The following AR variants were observed in gnomAD, a reference collection of about 807,000 sequenced individuals.
AR encodes the protein dihydrotestosterone receptor.
Under a neutral mutation model 53.9 loss-of-function variants are expected in AR, and 8 were observed. The ratio of observed to expected loss-of-function variants is 0.15; its 90% CI spans 0.09 to 0.27. The LOEUF is 0.27. Among genes scored for constraint, AR ranks in the 10% least tolerant of loss-of-function variants. The probability of loss-of-function intolerance (pLI) is 1.00; values close to 1 mark genes in which losing one functional copy is unlikely to be tolerated. For missense variants in AR, 639 were observed against 742.5 expected (o/e 0.86, Z 1.62); for synonymous variants, 359 against 316.4 (o/e 1.13, Z -1.43).
chrX:67,664,223 GCT>G (rs1439313972), intron 2 of AR, among the ~76,000 whole-genome samples: 1 of 111,584 alleles, frequency 9.0e-6, no homozygotes, highest in Non-Finnish European at 1.9e-5. Flanking sequence ...CGGTTTTTCT[GCT>G]CTGTTTTTTC....
intron 3 of AR, among the ~76,000 whole-genome samples, chrX:67,699,085 T>A (rs754037813): frequency 1.8e-5 from 2 of 112,428 alleles, no homozygotes; most frequent in Non-Finnish European, 3.7e-5. Context: ...TCTTTTGCCC[T>A]ACACCACAGT....
At chrX:67,557,224 G>T (rs12396249) in intron 1 of AR, among the ~76,000 whole-genome samples, 1 of 110,500 alleles carries the variant, frequency 9.0e-6, no homozygotes, top group Admixed American at 9.6e-5. Context: ...TGGTATTGGT[G>T]GAGAAGGTAG....
intron 1 of AR, among the ~76,000 whole-genome samples, chrX:67,570,550 A>G (rs955313945): frequency 5.4e-5 from 6 of 111,591 alleles, no homozygotes; most frequent in African/African-American, 1.6e-4. Context: ...ATCTTTTCAT[A>G]TTAATTTCAT....
At chrX:67,580,016 G>A (rs1922220908) in intron 1 of AR, among the ~76,000 whole-genome samples, 1 of 110,418 alleles carries the variant, frequency 9.1e-6, no homozygotes, top group Non-Finnish European at 1.9e-5. Context: ...ATCGCTAGTG[G>A]TGTGGCCATT....
At chrX:67,579,270 C>T (rs981254903) in intron 1 of AR, among the ~76,000 whole-genome samples, 2 of 111,518 alleles carry the variant, frequency 1.8e-5, no homozygotes, top group African/African-American at 6.5e-5. Flanking sequence ...ATAACATTGT[C>T]GTTGAATATC....
At chrX:67,558,520 C>T (rs888410072) in intron 1 of AR, among the ~76,000 whole-genome samples, 3 of 111,653 alleles carry the variant, frequency 2.7e-5, no homozygotes, top group East Asian at 2.8e-4. Context: ...TGACTGGTGA[C>T]GTAGGTGACT....
chrX:67,674,178 T>TC (rs2075884731), intron 2 of AR, among the ~76,000 whole-genome samples: 2 of 108,205 alleles, frequency 1.8e-5, no homozygotes, highest in African/African-American at 7.0e-5. Flanking sequence ...TCTCTCTCTC[T>TC]TTCTCTCTCT....
chrX:67,602,086 C>T (rs951142959), intron 1 of AR, among the ~76,000 whole-genome samples: 2 of 112,062 alleles, frequency 1.8e-5, no homozygotes, highest in Non-Finnish European at 3.8e-5. Flanking sequence ...GAACCATAAC[C>T]TCTTTATAAA....
At chrX:67,584,976 C>A (rs1216597708) in intron 1 of AR, among the ~76,000 whole-genome samples, 2 of 111,563 alleles carry the variant, frequency 1.8e-5, no homozygotes, top group East Asian at 5.6e-4. Flanking sequence ...TTGATGGCGG[C>A]CAGGCGCAGT....
intron 1 of AR, among the ~76,000 whole-genome samples, chrX:67,582,822 C>T (rs1316344654): frequency 3.6e-5 from 4 of 111,675 alleles, no homozygotes; most frequent in Non-Finnish European, 5.6e-5. Context: ...CCGTATCCAT[C>T]GCAATACTTC....
At chrX:67,666,710 C>T (rs771198152) in intron 2 of AR, among the ~76,000 whole-genome samples, 2 of 111,832 alleles carry the variant, frequency 1.8e-5, no homozygotes, top group South Asian at 3.8e-4. Flanking sequence ...TCCACATCCT[C>T]ACCAGCATTC....
In AR at chrX:67,662,468, G is replaced by T. The variant is rs185308746; in HGVS notation, c.1768+19061G>T. The stretch of plus-strand genomic sequence containing the variant: ...TTATGTACCTAGTAGTCATTAAGGA[G>T]TAGGTTGTTCAGTTTCCATGTAGTT... On this transcript the variant is annotated intron_variant, in intron 2 of 7. Coordinates refer to ENST00000374690, the MANE Select transcript of AR (RefSeq NM_000044.6). Among the ~76,000 whole-genome samples, 307 of 111,750 alleles carry T rather than the reference G, an allele frequency of 2.7e-3. 1 individual carries two copies. Among genetic ancestry groups the T allele is most frequent in the Middle Eastern group, 9.2e-3 (2 of 218 alleles).
chrX:67,631,098 G>C (rs998017427), intron 1 of AR, among the ~76,000 whole-genome samples: 1 of 110,793 alleles, frequency 9.0e-6, no homozygotes, highest in Non-Finnish European at 1.9e-5. Context: ...CAACTTTTTT[G>C]AATCTGACAA....
chrX:67,562,583 G>A (rs773544434), intron 1 of AR, among the ~76,000 whole-genome samples: 9 of 111,354 alleles, frequency 8.1e-5, no homozygotes, highest in African/African-American at 2.0e-4. Flanking sequence ...GCACTGATCC[G>A]CTTTATTCAT....
At chrX:67,664,381 C>T (rs1039533360) in intron 2 of AR, among the ~76,000 whole-genome samples, 4 of 112,185 alleles carry the variant, frequency 3.6e-5, no homozygotes, top group Non-Finnish European at 5.6e-5. Context: ...TGCAGGTCCA[C>T]TCCAGACCCT....
At chrX:67,646,647 A>AG (rs776938449) in intron 2 of AR, among the ~76,000 whole-genome samples, 25 of 110,885 alleles carry the variant, frequency 2.3e-4, no homozygotes, top group African/African-American at 7.8e-4. Flanking sequence ...AACAGAGGTA[A>AG]GGGCTCAGAG....
At chrX:67,695,554 G>A in intron 3 of AR, 8 of 753,776 alleles carry the variant, frequency 1.1e-5, no homozygotes, top group Non-Finnish European at 1.3e-5. Context: ...TGATGTCAAA[G>A]AAGAATCACT....
intron 1 of AR, among the ~76,000 whole-genome samples, chrX:67,549,056 C>G (rs1409226788): frequency 8.9e-6 from 1 of 111,851 alleles, no homozygotes; most frequent in Non-Finnish European, 1.9e-5. Flanking sequence ...GCAATCAATT[C>G]CAATACAAAA....
intron 1 of AR, among the ~76,000 whole-genome samples, chrX:67,603,684 G>A (rs971545877): frequency 2.7e-5 from 3 of 111,916 alleles, no homozygotes; most frequent in African/African-American, 9.7e-5. Context: ...AGGCTAAGGA[G>A]TTTAGACATT....
Sources: gnomAD v4.1 joint callset for allele counts (sites outside exome capture counted in the v4.1 genomes callset) on GRCh38, gnomAD v4.1.1 for gene constraint, MANE v1.5 for transcripts, NCBI Gene and HGNC (gene_info 2026-07-23, HGNC 2026-07-21) for gene names.